Variants in CDH23 observed in about 807,000 individuals in gnomAD.
CDH23 encodes the protein cadherin-23.
In CDH23, 189 loss-of-function variants were observed where a neutral mutation model predicts 317.1. The ratio of observed to expected loss-of-function variants is 0.60; its 90% CI spans 0.53 to 0.67. CDH23 has a LOEUF of 0.67. Ranked by LOEUF, CDH23 falls within the 30% of genes least tolerant of loss-of-function variation. The pLI, the probability that CDH23 is intolerant of heterozygous loss-of-function variation, is 0.00. For synonymous variants in CDH23, 1,839 were observed against 1,876.8 expected, an observed-to-expected ratio of 0.98 and a Z score of 0.52; for missense variants, 4,401 against 4,592.4, an observed-to-expected ratio of 0.96 and a Z score of 1.20.
rs187358209 is a variant in CDH23 at position 71,493,151 on chromosome 10, G to A, written c.146-16931G>A. 2.5e-3 allele frequency among the ~76,000 whole-genome samples: 374 copies of A among 152,224 alleles called. 2 individuals are homozygous for A. The highest frequency in any genetic ancestry group is 4.2e-3 in the African/African-American group (176 of 41,556). ...TTGTTGGCAGGGGAATCCCAGAATC[G>A]GTGGCCAGGAAAGTATGTGCATTGT... On this transcript the variant is annotated intron_variant, in intron 3 of 69. Transcript: ENST00000224721.
chr10:71,742,727 T>C (rs1170053527), intron 38 of CDH23, among the ~76,000 whole-genome samples: 1 of 152,236 alleles, frequency 6.6e-6, no homozygotes, highest in African/African-American at 2.4e-5. Context: ...AAGCACTTGG[T>C]AAACCATGAG....
At chr10:71,730,374 G>A in intron 30 of CDH23, 95 bp from the exon 31 acceptor site, 2 of 1,488,656 alleles carry the variant, frequency 1.3e-6, no homozygotes, top group Middle Eastern at 2.5e-4. Flanking sequence ...GCCCAGGAAA[G>A]CAGTGACCAC....
At chr10:71,607,521 C>A (rs1161427435) in intron 9 of CDH23, among the ~76,000 whole-genome samples, 1 of 152,230 alleles carries the variant, frequency 6.6e-6, no homozygotes, top group African/African-American at 2.4e-5. Context: ...AGAACTCAAT[C>A]TATGTTGGCC....
rs185714827 is a variant in CDH23 at position 71,492,894 on chromosome 10, C to T, written c.146-17188C>T. Among the ~76,000 whole-genome samples, 8 of 152,286 alleles carry T rather than the reference C, an allele frequency of 5.3e-5. No individual in the cohort carries two copies. The East Asian group carries it at 7.7e-4, about 15-fold the overall frequency. On this transcript the variant is annotated intron_variant, in intron 3 of 69. Transcript: ENST00000224721. ...GATTCAGCGCTCCTCTTGTGTTTCCCGGCTTGCCCCTGCCACAGCTTCTTA... is the reference window on the plus strand; with the variant it reads ...GATTCAGCGCTCCTCTTGTGTTTCCTGGCTTGCCCCTGCCACAGCTTCTTA...
At chr10:71,707,906 A>G (rs7912167) in intron 26 of CDH23, among the ~76,000 whole-genome samples, 19,090 of 152,114 alleles carry the variant, frequency 0.13, 2,277 homozygotes, top group African/African-American at 0.29. Flanking sequence ...CTCACAGCCC[A>G]TCTGTGGCTT....
In CDH23 at chr10:71,751,138, G is replaced by C; in HGVS notation, c.4845+9217G>C. On this transcript the variant is annotated intron_variant, in intron 38 of 69. Transcript: ENST00000224721. The surrounding 1 kb of genome is among the most constrained non-coding windows in gnomAD (Gnocchi z 4.9). ...TGGGATGTCACAGTATCTGAGCCCA[G>C]AGCAGGAGGGAGGGAACCAGGGCCG... 1 of 1,260,152 alleles carries C rather than the reference G, an allele frequency of 7.9e-7. No homozygotes were observed. The highest frequency in any genetic ancestry group is 1.1e-6 in the Non-Finnish European group (1 of 905,928). 78.1% of individuals were successfully genotyped at this position (1,260,152 alleles called of 1,614,324 possible). A position where few individuals can be genotyped will look rare whatever the true frequency, so the allele number is the denominator to read the frequency against.
rs2394839 is a variant in CDH23 at position 71,784,881 on chromosome 10, A to G, written c.5503-10A>G. On this transcript the variant is annotated splice_polypyrimidine_tract_variant and intron_variant, in intron 42 of 69. Transcript: ENST00000224721. ...TCCTCCCCTCCCTCCTCCTTCTCTG[A>G]CTGGCCCAGATGCTGGTGGGGATCC... 276,165 of 1,610,694 alleles carry G rather than the reference A, an allele frequency of 0.17. 25,508 individuals are homozygous for G. Among genetic ancestry groups the G allele is most frequent in the East Asian group, 0.31 (13,677 of 44,836 alleles).
chr10:71,551,491 G>A (rs1300175907), intron 6 of CDH23, among the ~76,000 whole-genome samples: 5 of 152,168 alleles, frequency 3.3e-5, no homozygotes, highest in Non-Finnish European at 7.4e-5. Context: ...CTTCCTGATC[G>A]GTTGGTTATC....
At chr10:71,618,308 T>A (rs1249663266) in intron 11 of CDH23, among the ~76,000 whole-genome samples, 1 of 151,460 alleles carries the variant, frequency 6.6e-6, no homozygotes, top group Admixed American at 6.6e-5. Flanking sequence ...AGGCTCAGGG[T>A]GGGGGCAGCC....
intron 1 of CDH23, among the ~76,000 whole-genome samples, chr10:71,400,409 T>G (rs1228271569): frequency 1.4e-5 from 2 of 147,936 alleles, no homozygotes; most frequent in South Asian, 2.1e-4. Context: ...GACAAGGTGA[T>G]GAGGAGGAAC....
At chr10:71,675,481 A>G (rs1285392288) in intron 15 of CDH23, among the ~76,000 whole-genome samples, 2 of 152,176 alleles carry the variant, frequency 1.3e-5, no homozygotes, top group African/African-American at 4.8e-5. Context: ...GCGACAGCAC[A>G]CCGCCACCAC....
At chr10:71,422,326 G>A (rs1006395468) in intron 1 of CDH23, among the ~76,000 whole-genome samples, 4 of 152,202 alleles carry the variant, frequency 2.6e-5, no homozygotes, top group Admixed American at 1.3e-4. Flanking sequence ...ACCTGGGTTC[G>A]AATTCTGCCA....
rs548188123 is a variant in CDH23 at position 71,803,066 on chromosome 10, C to A, written c.7651C>A (p.Pro2551Thr). 6.2e-7 allele frequency: 1 copy of A among 1,609,752 alleles called. No individual in the cohort carries two copies. The change falls in exon 54 of 70, where the codon CCT becomes ACT. Residue 2551 changes from proline (P) to threonine (T), a missense_variant. Transcript: ENST00000224721. ...AGAGTTGACCTACTCACTTGAGGGC[C>A]CTGGCGTGGGTATGTGGCCTTCCTT... is the stretch of plus-strand genomic sequence containing the variant. ...NGELTYSLEG[P>T]GVEAFHVDMD...
intron 9 of CDH23, among the ~76,000 whole-genome samples, chr10:71,609,868 G>T (rs548336205): frequency 6.6e-6 from 1 of 152,016 alleles, no homozygotes; most frequent in Non-Finnish European, 1.5e-5. Flanking sequence ...GGAAGACATC[G>T]CAACATGGAC....
Position 71,799,095 on chromosome 10 carries a change from A to G in CDH23, c.7055-16A>G, listed in dbSNP as rs4747193. On this transcript the variant is annotated splice_polypyrimidine_tract_variant and intron_variant, in intron 50 of 69. Transcript: ENST00000224721. Reference sequence around the variant, plus strand: ...GAGGAGTGGCCAAAATGGCAGTGGGAGCCTCTGTGTCTTAGGGAAGGTCAT... The same window carrying G: ...GAGGAGTGGCCAAAATGGCAGTGGGGGCCTCTGTGTCTTAGGGAAGGTCAT... 0.31 allele frequency: 494,346 copies of G among 1,600,438 alleles called. 81,703 individuals carry two copies. The highest frequency in any genetic ancestry group is 0.66 in the East Asian group (29,417 of 44,676).
intron 2 of CDH23, 36 bp from the exon 3 acceptor site, chr10:71,446,282 G>T (rs757609099): frequency 6.3e-7 from 1 of 1,595,302 alleles, no homozygotes; most frequent in South Asian, 1.1e-5. Flanking sequence ...GCTGATGGGG[G>T]GTACTTGGCT....
intron 41 of CDH23, among the ~76,000 whole-genome samples, chr10:71,782,832 G>A (rs180912808): frequency 2.6e-5 from 4 of 152,362 alleles, no homozygotes; most frequent in Non-Finnish European, 5.9e-5. Context: ...CCACCCCCCA[G>A]GCAGGGTGAA....
rs1436266877 is a variant in CDH23 at position 71,507,166 on chromosome 10, G to A, written c.146-2916G>A. Among the ~76,000 whole-genome samples, 3 of 152,206 alleles carry A rather than the reference G, an allele frequency of 2.0e-5. No individual in the cohort carries two copies. In the East Asian group the frequency reaches 5.8e-4, roughly 29 times the overall value. ...GCAGGTGAGGATTGCGGTCCAGGGG[G>A]CTGCAGGCTGCCATGGACTCATTGT... On this transcript the variant is annotated intron_variant, in intron 3 of 69. Transcript: ENST00000224721.
intron 19 of CDH23, among the ~76,000 whole-genome samples, chr10:71,689,332 G>A (rs1196277385): frequency 2.6e-5 from 4 of 152,018 alleles, no homozygotes; most frequent in Admixed American, 6.5e-5. Flanking sequence ...GTGGGTGCTG[G>A]GCTGCACCCA....
Sources: allele counts gnomAD v4.1 joint callset (sites outside exome capture counted in the v4.1 genomes callset), GRCh38; gene constraint gnomAD v4.1.1; non-coding constraint Gnocchi (gnomAD v3.1); transcripts MANE v1.5; gene names NCBI Gene and HGNC (gene_info 2026-07-23, HGNC 2026-07-21).